Variants in PIK3CG observed in about 807,000 individuals in gnomAD.
PIK3CG encodes phosphatidylinositol 4,5-bisphosphate 3-kinase catalytic subunit gamma isoform.
Under a neutral mutation model 102.3 loss-of-function variants are expected in PIK3CG, and 55 were observed. The observed-to-expected ratio is 0.54, with a 90% CI of 0.43 to 0.67. PIK3CG has a LOEUF of 0.67. Among genes scored for constraint, PIK3CG ranks in the 30% least tolerant of loss-of-function variants. The pLI, the probability that PIK3CG is intolerant of heterozygous loss-of-function variation, is 0.00. For synonymous variants in PIK3CG, 552 were observed against 540.0 expected, an observed-to-expected ratio of 1.02 and a Z score of -0.31; for missense variants, 1,258 against 1,391.8, an observed-to-expected ratio of 0.90 and a Z score of 1.53.
chr7:106,901,428 A>G lies in PIK3CG; in HGVS notation c.3031-3681A>G, dbSNP rs1037411397. On this transcript the variant is annotated intron_variant, in intron 10 of 10. Transcript: ENST00000496166. Reference sequence around the variant, plus strand: ...TGTCAGACCCATTAGGTTCATTTTTATACCAGCTATTTCATTCTTCAGTTC... The same window carrying G: ...TGTCAGACCCATTAGGTTCATTTTTGTACCAGCTATTTCATTCTTCAGTTC... Among the ~76,000 whole-genome samples the G allele has an allele frequency of 2.6e-5, 4 of 152,170 alleles. No homozygotes were observed. The South Asian group carries it at 6.2e-4, about 24-fold the overall frequency.
Position 106,884,550 on chromosome 7 carries a change from G to T in PIK3CG, c.2872+284G>T, listed in dbSNP as rs956915897. On this transcript the variant is annotated intron_variant, in intron 9 of 10. Transcript: ENST00000496166. This position sits in a 1 kb window ranked among gnomAD's most constrained non-coding sequence, Gnocchi z 4.2. Reference sequence around the variant, plus strand: ...GGAGCACATATTTAGAAGTCATTGTGTAGGGACACTGGTGCTTCAGTTACT... The same window carrying T: ...GGAGCACATATTTAGAAGTCATTGTTTAGGGACACTGGTGCTTCAGTTACT... Among the ~76,000 whole-genome samples the T allele has an allele frequency of 6.6e-6, 1 of 152,162 alleles. No individual in the cohort carries two copies. The highest frequency in any genetic ancestry group is 1.5e-5 in the Non-Finnish European group (1 of 68,034).
chr7:106,907,729 T>TATATATATAACATATATATGCTA lies in PIK3CG; in HGVS notation c.*2351_*2352insACATATATATGCTAATATATATA, dbSNP rs1562805906. Among the ~76,000 whole-genome samples the TATATATATAACATATATATGCTA allele has an allele frequency of 4.8e-5, 5 of 104,964 alleles. No individual in the cohort carries two copies. Among genetic ancestry groups the TATATATATAACATATATATGCTA allele is most frequent in the Non-Finnish European group, 6.7e-5 (3 of 44,614 alleles). The allele number at this position is 104,964 out of a possible 152,430, so 68.9% of individuals were successfully genotyped here. Reference sequence around the variant, plus strand: ...CAGTTCTTTCATTTCATTATGCTAATATATATATATAACATATATATGCTA... The same window carrying TATATATATAACATATATATGCTA: ...CAGTTCTTTCATTTCATTATGCTAATATATATATAACATATATATGCTAATATATATATAACATATATATGCTA... On this transcript the variant is annotated 3_prime_UTR_variant, in exon 11 of 11. Coordinates refer to ENST00000496166, the MANE Select transcript of PIK3CG (RefSeq NM_001282426.2).
At chr7:106,882,952 C>G (rs2116542416) in intron 7 of PIK3CG, 81 bp from the exon 8 acceptor site, 1 of 960,022 alleles carries the variant, frequency 1.0e-6, no homozygotes, top group Non-Finnish European at 1.5e-6. Context: ...CTGCCCTTCA[C>G]TCAACAAAGA....
At chr7:106,898,610 TC>T (rs1791465856) in intron 10 of PIK3CG, among the ~76,000 whole-genome samples, 1 of 152,230 alleles carries the variant, frequency 6.6e-6, no homozygotes, top group African/African-American at 2.4e-5. Context: ...TAGCCAGTTA[TC>T]CCAGCACCAT....
Position 106,883,293 on chromosome 7 carries a change from G to A in PIK3CG, c.2760+130G>A. On this transcript the variant is annotated intron_variant, in intron 8 of 10. Coordinates refer to ENST00000496166, the MANE Select transcript of PIK3CG (RefSeq NM_001282426.2). This position sits in a 1 kb window ranked among gnomAD's most constrained non-coding sequence, Gnocchi z 5.8. ...GACATATTAGTGAAGTTTTTTACTT[G>A]TGAAATAATGGAGGTTTTAAGTACC... The A allele has an allele frequency of 1.1e-6, 1 of 940,446 alleles. No individual in the cohort carries two copies. The highest frequency in any genetic ancestry group is 1.6e-6 in the Non-Finnish European group (1 of 619,052). The allele number at this position is 940,446 out of a possible 1,614,324, so 58.3% of individuals were successfully genotyped here.
chr7:106,866,886 G>A (rs770900298), intron 1 of PIK3CG, among the ~76,000 whole-genome samples: 17 of 152,196 alleles, frequency 1.1e-4, no homozygotes, highest in Admixed American at 2.6e-4. Flanking sequence ...ATTTATTAGG[G>A]AGTAGATCCT....
At chr7:106,875,700 C>T (rs1383921153) in intron 5 of PIK3CG, among the ~76,000 whole-genome samples, 1 of 152,052 alleles carries the variant, frequency 6.6e-6, no homozygotes, top group African/African-American at 2.4e-5. Flanking sequence ...GTAGTAGTCC[C>T]TTGTATGGAT....
At chr7:106,876,359 T>C (rs1790738353) in intron 5 of PIK3CG, among the ~76,000 whole-genome samples, 1 of 151,910 alleles carries the variant, frequency 6.6e-6, no homozygotes. Flanking sequence ...AAATTTTCTA[T>C]TCAAATATTT....
In PIK3CG at chr7:106,872,950, A is replaced by G. The variant is rs754659442; in HGVS notation, c.2287+12A>G. Reference sequence around the variant, plus strand: ...CGTCAGTTCCCAAGGTACGGTGGCTATATTTTCTGTGTTCTCTTTCCAAAT... The same window carrying G: ...CGTCAGTTCCCAAGGTACGGTGGCTGTATTTTCTGTGTTCTCTTTCCAAAT... On this transcript the variant is annotated intron_variant, in intron 4 of 10. Coordinates refer to ENST00000496166, the MANE Select transcript of PIK3CG (RefSeq NM_001282426.2). The surrounding 1 kb of genome is among the most constrained non-coding windows in gnomAD (Gnocchi z 5.3). The G allele has an allele frequency of 7.7e-6, 12 of 1,565,390 alleles. No homozygotes were observed. The highest frequency in any genetic ancestry group is 1.4e-5 in the African/African-American group (1 of 73,826).
At position 106,903,955 on chromosome 7, in the gene PIK3CG, T is replaced by G. The variant is rs1035737240; in HGVS notation, c.3031-1154T>G. Among the ~76,000 whole-genome samples the G allele has an allele frequency of 6.6e-6, 1 of 151,932 alleles. No individual in the cohort carries two copies. The highest frequency in any genetic ancestry group is 1.5e-5 in the Non-Finnish European group (1 of 67,992). ...TTTGTATTTTTAGTAGAGACGGGGTTTCATCATGTTGGCCAGGCTGGTCTT... is the reference window on the plus strand; with the variant it reads ...TTTGTATTTTTAGTAGAGACGGGGTGTCATCATGTTGGCCAGGCTGGTCTT... On this transcript the variant is annotated intron_variant, in intron 10 of 10. Coordinates refer to ENST00000496166, the MANE Select transcript of PIK3CG (RefSeq NM_001282426.2). This position sits in a 1 kb window ranked among gnomAD's most constrained non-coding sequence, Gnocchi z 4.3.
Position 106,883,514 on chromosome 7 carries a change from T to C in PIK3CG, c.2760+351T>C, listed in dbSNP as rs991357908. ...TAGTTACCATGTATAAACTCTTACGTACCTGGGAAATACAACATACACAAC... is the reference window on the plus strand; with the variant it reads ...TAGTTACCATGTATAAACTCTTACGCACCTGGGAAATACAACATACACAAC... On this transcript the variant is annotated intron_variant, in intron 8 of 10. Transcript: ENST00000496166. This position sits in a 1 kb window ranked among gnomAD's most constrained non-coding sequence, Gnocchi z 5.8. 6.6e-6 allele frequency among the ~76,000 whole-genome samples: 1 copy of C among 152,250 alleles called. No homozygotes were observed. The highest frequency in any genetic ancestry group is 2.4e-5 in the African/African-American group (1 of 41,466).
rs2116490965 is a variant in PIK3CG, at chr7:106,872,974, A to C, written c.2287+36A>C. ...TATATTTTCTGTGTTCTCTTTCCAAATGCCTTCATCTCCAAATGCCATTGT... is the reference window on the plus strand; with the variant it reads ...TATATTTTCTGTGTTCTCTTTCCAACTGCCTTCATCTCCAAATGCCATTGT... On this transcript the variant is annotated intron_variant, in intron 4 of 10. Coordinates refer to ENST00000496166, the MANE Select transcript of PIK3CG (RefSeq NM_001282426.2). The surrounding 1 kb of genome is among the most constrained non-coding windows in gnomAD (Gnocchi z 5.3). 7.1e-7 allele frequency: 1 copy of C among 1,401,870 alleles called. No homozygotes were observed. The highest frequency in any genetic ancestry group is 1.0e-6 in the Non-Finnish European group (1 of 988,282). The allele number at this position is 1,401,870 out of a possible 1,614,324, so 86.8% of individuals were successfully genotyped here.
Position 106,905,414 on chromosome 7 carries a change from T to C in PIK3CG, c.*27T>C. 1 of 1,596,058 alleles carries C rather than the reference T, an allele frequency of 6.3e-7. No homozygotes were observed. The highest frequency in any genetic ancestry group is 8.6e-7 in the Non-Finnish European group (1 of 1,169,120). On this transcript the variant is annotated 3_prime_UTR_variant, in exon 11 of 11. Transcript: ENST00000496166. This position sits in a 1 kb window ranked among gnomAD's most constrained non-coding sequence, Gnocchi z 5.6. Reference sequence around the variant, plus strand: ...ACTTTAGGCTAGAATCAAAAACAAGTTAGTGTTCTATGGTTTAAATTAGCA... The same window carrying C: ...ACTTTAGGCTAGAATCAAAAACAAGCTAGTGTTCTATGGTTTAAATTAGCA...
At position 106,874,517 on chromosome 7, in the gene PIK3CG, C is replaced by T. The variant is rs191070145; in HGVS notation, c.2288-183C>T. 2.5e-3 allele frequency among the ~76,000 whole-genome samples: 380 copies of T among 152,278 alleles called. 3 individuals are homozygous for T. The highest frequency in any genetic ancestry group is 8.5e-3 in the African/African-American group (352 of 41,542). On this transcript the variant is annotated intron_variant, in intron 4 of 10. Transcript: ENST00000496166. The surrounding 1 kb of genome is among the most constrained non-coding windows in gnomAD (Gnocchi z 4.3). ...ATGGTTATGTTGCTCACCTTAAGCC[C>T]AATGTATCTTGCCACCTCATATGGT... is the stretch of plus-strand genomic sequence containing the variant.
In PIK3CG at chr7:106,903,748, TTTTA is replaced by T. The variant is rs1157085527; in HGVS notation, c.3031-1336_3031-1333del. On this transcript the variant is annotated intron_variant, in intron 10 of 10. Coordinates refer to ENST00000496166, the MANE Select transcript of PIK3CG (RefSeq NM_001282426.2). The surrounding 1 kb of genome is among the most constrained non-coding windows in gnomAD (Gnocchi z 4.3). Reference sequence around the variant, plus strand: ...TCCTTCACTTTTCTGATTTTATTTTTTTTATTTATTTATTTATTTATTTATTTAG... The same window carrying T: ...TCCTTCACTTTTCTGATTTTATTTTTTTTATTTATTTATTTATTTATTTAG... 7.2e-4 allele frequency among the ~76,000 whole-genome samples: 4 copies of T among 5,532 alleles called. No homozygotes were observed. Among genetic ancestry groups the T allele is most frequent in the Non-Finnish European group, 4.6e-3 (3 of 646 alleles). 3.6% of individuals were successfully genotyped at this position (5,532 alleles called of 152,430 possible). A position where few individuals can be genotyped will look rare whatever the true frequency, so the allele number is the denominator to read the frequency against.
rs1249909523 is a variant in PIK3CG, at chr7:106,872,380, C to G, written c.1996-157C>G. ...GGTTCAGTCTGGTCCTAAGTGTCCT[C>G]TAACAGACAGGATTAAACTTAAGTG... On this transcript the variant is annotated intron_variant, in intron 2 of 10. Transcript: ENST00000496166. This position sits in a 1 kb window ranked among gnomAD's most constrained non-coding sequence, Gnocchi z 5.3. 6.6e-6 allele frequency among the ~76,000 whole-genome samples: 1 copy of G among 152,188 alleles called. No individual in the cohort carries two copies. The highest frequency in any genetic ancestry group is 1.5e-5 in the Non-Finnish European group (1 of 68,034).
intron 4 of PIK3CG, among the ~76,000 whole-genome samples, chr7:106,873,719 G>A (rs949097014): frequency 6.7e-6 from 1 of 149,220 alleles, no homozygotes; most frequent in Admixed American, 6.7e-5. Flanking sequence ...CTCTGTATCT[G>A]TGTGTGTGTG....
intron 10 of PIK3CG, among the ~76,000 whole-genome samples, chr7:106,896,617 A>G (rs554778569): frequency 2.0e-5 from 3 of 152,270 alleles, no homozygotes; most frequent in South Asian, 4.2e-4. Context: ...GCACTAATGC[A>G]CTGGGGCCAC....
intron 2 of PIK3CG, among the ~76,000 whole-genome samples, chr7:106,870,294 G>T (rs1485519645): frequency 6.6e-6 from 1 of 152,158 alleles, no homozygotes; most frequent in Non-Finnish European, 1.5e-5. Flanking sequence ...GTTCCCTGGG[G>T]TCCTGAGAGG....
Sources: allele counts gnomAD v4.1 joint callset (sites outside exome capture counted in the v4.1 genomes callset), GRCh38; gene constraint gnomAD v4.1.1; non-coding constraint Gnocchi (gnomAD v3.1); transcripts MANE v1.5; gene names NCBI Gene and HGNC (gene_info 2026-07-23, HGNC 2026-07-21).